Variants in MYO1H observed in about 807,000 individuals in gnomAD.
MYO1H encodes unconventional myosin-Ih.
Under a neutral mutation model 149.3 loss-of-function variants are expected in MYO1H, and 118 were observed. That is an observed-to-expected ratio of 0.79 (90% CI 0.68 to 0.92). MYO1H has a LOEUF of 0.92. Among genes scored for constraint, MYO1H ranks in the 40% least tolerant of loss-of-function variants. MYO1H has a pLI of 0.00. For missense variants in MYO1H, 1,212 were observed against 1,280.7 expected (o/e 0.95, Z 0.82); for synonymous variants, 447 against 465.2 (o/e 0.96, Z 0.50).
chr12:109,439,111 G>T (rs1180816624), intron 23 of MYO1H, among the ~76,000 whole-genome samples: 1 of 152,090 alleles, frequency 6.6e-6, no homozygotes, highest in Non-Finnish European at 1.5e-5. Context: ...GTCTCACTCT[G>T]TCGCCCAGGC....
Position 109,441,907 on chromosome 12 carries a change from C to T in MYO1H, c.2632+199C>T, listed in dbSNP as rs150886725. ...ACTAAAATACAAAATATTAGCAGGG[C>T]GTGGTGGTGTCCACCTGTAGTCCCA... On this transcript the variant is annotated intron_variant, in intron 26 of 31. Transcript: ENST00000310903. 2.5e-3 allele frequency among the ~76,000 whole-genome samples: 382 copies of T among 152,188 alleles called. 1 individual carries two copies. The highest frequency in any genetic ancestry group is 8.8e-3 in the African/African-American group (367 of 41,522).
the MYO1H span, among the ~76,000 whole-genome samples, chr12:109,318,060 G>A: frequency 1.3e-5 from 2 of 152,176 alleles, no homozygotes; most frequent in Non-Finnish European, 2.9e-5. Context: ...GTACATTAAA[G>A]TATCGAACAA....
At chr12:109,316,174 TG>T in the MYO1H span, among the ~76,000 whole-genome samples, 7 of 29,934 alleles carry the variant, frequency 2.3e-4, no homozygotes, top group Non-Finnish European at 6.8e-5. Flanking sequence ...TTTGGGTGGG[TG>T]GGGGGGAGCT....
chr12:109,447,054 C>T, intron 31 of MYO1H, 105 bp from the exon 32 acceptor site: 1 of 1,188,418 alleles, frequency 8.4e-7, no homozygotes, highest in Non-Finnish European at 1.2e-6. Flanking sequence ...TCTCACAGGC[C>T]CTCCACACCC....
exon 6 of MYO1H, chr12:109,401,113 T>C: frequency 1.2e-6 from 2 of 1,613,938 alleles, no homozygotes; most frequent in African/African-American, 1.3e-5. Flanking sequence ...TAGGTGGGCA[T>C]ATCATCAGTT....
chr12:109,325,228 AT>A, the MYO1H span, among the ~76,000 whole-genome samples: 9,828 of 152,246 alleles, frequency 0.065, 382 homozygotes, highest in Middle Eastern at 0.11. Flanking sequence ...TCCTTTGGGT[AT>A]ATACCCAGTA....
the MYO1H span, among the ~76,000 whole-genome samples, chr12:109,312,765 T>C: frequency 7.0e-6 from 1 of 142,632 alleles, no homozygotes; most frequent in Non-Finnish European, 1.5e-5. Context: ...CCAAGGTTTT[T>C]TTTGTTTGTT....
intron 4 of MYO1H, 121 bp from the exon 5 acceptor site, chr12:109,397,611 T>C: frequency 1.6e-6 from 1 of 636,760 alleles, no homozygotes; most frequent in East Asian, 3.2e-5. Context: ...AAGCATGCCT[T>C]TCCTCCCTGG....
At chr12:109,325,139 G>A in the MYO1H span, among the ~76,000 whole-genome samples, 1 of 152,170 alleles carries the variant, frequency 6.6e-6, no homozygotes, top group Non-Finnish European at 1.5e-5. Flanking sequence ...ATTTGGGTTG[G>A]TTCCAAGTCA....
chr12:109,390,422 G>A (rs530234666), intron 2 of MYO1H, among the ~76,000 whole-genome samples: 4 of 151,984 alleles, frequency 2.6e-5, no homozygotes, highest in African/African-American at 9.6e-5. Flanking sequence ...AATACCAGAT[G>A]TATTTTCCAA....
At chr12:109,407,667 C>A in intron 9 of MYO1H, 127 bp from the exon 10 acceptor site, 1 of 951,152 alleles carries the variant, frequency 1.1e-6, no homozygotes, top group Non-Finnish European at 1.5e-6. Context: ...TACTGCATTC[C>A]AGGCTGGGCA....
Position 109,434,208 on chromosome 12 carries a change from C to A in MYO1H, c.2064-829C>A, listed in dbSNP as rs191823599. ...TATTTTTAGTAGAGACAGGGTTTCACCGCGTTTGTCAGGCTGGTCTCAAAC... is the reference window on the plus strand; with the variant it reads ...TATTTTTAGTAGAGACAGGGTTTCAACGCGTTTGTCAGGCTGGTCTCAAAC... On this transcript the variant is annotated intron_variant, in intron 20 of 31. Transcript: ENST00000310903. Among the ~76,000 whole-genome samples the A allele has an allele frequency of 1.8e-4, 28 of 152,240 alleles. No individual in the cohort carries two copies. In the East Asian group the frequency reaches 3.5e-3, roughly 19 times the overall value.
At chr12:109,349,487 A>ACCCCC (rs1274262705) in intron 1 of MYO1H, among the ~76,000 whole-genome samples, 3 of 101,676 alleles carry the variant, frequency 3.0e-5, no homozygotes, top group Admixed American at 1.1e-4. Context: ...ACATAGTGTG[A>ACCCCC]CCCCCCCACC....
At chr12:109,312,396 G>GTTTTC in the MYO1H span, among the ~76,000 whole-genome samples, 1 of 151,722 alleles carries the variant, frequency 6.6e-6, no homozygotes, top group South Asian at 2.1e-4. Context: ...GTTTTGTTTT[G>GTTTTC]TTTTGTTTTG....
the MYO1H span, among the ~76,000 whole-genome samples, chr12:109,317,342 G>A: frequency 6.6e-6 from 1 of 152,160 alleles, no homozygotes; most frequent in African/African-American, 2.4e-5. Flanking sequence ...ATTTTTTAGA[G>A]AAACAGTGTC....
chr12:109,370,923 G>A (rs557040464), intron 1 of MYO1H, among the ~76,000 whole-genome samples: 51 of 152,308 alleles, frequency 3.3e-4, no homozygotes, highest in African/African-American at 1.2e-3. Context: ...TAGAATCACT[G>A]TCAGCTGCAG....
chr12:109,412,069 A>G, intron 14 of MYO1H, 84 bp downstream of exon 14: 1 of 882,788 alleles, frequency 1.1e-6, no homozygotes, highest in South Asian at 1.7e-5. Flanking sequence ...ATGTTCTTCA[A>G]GAGAACAACT....
At chr12:109,357,960 C>T (rs1222821642) in intron 1 of MYO1H, among the ~76,000 whole-genome samples, 1 of 152,214 alleles carries the variant, frequency 6.6e-6, no homozygotes, top group Admixed American at 6.5e-5. Flanking sequence ...CTAAAACAGG[C>T]GGTGGGCTGG....
In MYO1H at chr12:109,420,039, C is replaced by A. The variant is rs112687492; in HGVS notation, c.1598-942C>A. Among the ~76,000 whole-genome samples the A allele has an allele frequency of 7.9e-4, 121 of 152,210 alleles. 2 individuals carry two copies. Among genetic ancestry groups the A allele is most frequent in the African/African-American group, 2.8e-3 (115 of 41,538 alleles). ...CTGTTGGGTACCACCAGCCATGGTG[C>A]TTGAGTTTGTTTTTTCTCAGTCGTG... On this transcript the variant is annotated intron_variant, in intron 15 of 31. Coordinates refer to ENST00000310903, the Ensembl canonical transcript of MYO1H.
Sources: allele counts gnomAD v4.1 joint callset (sites outside exome capture counted in the v4.1 genomes callset), GRCh38; gene constraint gnomAD v4.1.1; transcripts MANE v1.5; gene names NCBI Gene and HGNC (gene_info 2026-07-23, HGNC 2026-07-21).